The following USP25 variants were observed in gnomAD, a reference collection of about 807,000 sequenced individuals.
USP25 encodes ubiquitin carboxyl-terminal hydrolase 25.
Under a neutral mutation model 158.5 loss-of-function variants are expected in USP25, and 85 were observed. The ratio of observed to expected loss-of-function variants is 0.54; its 90% CI spans 0.45 to 0.64. USP25 has a LOEUF of 0.64. USP25 is among the 30% of genes least tolerant of loss of function. The pLI is 0.00. For missense variants in USP25, 1,242 were observed against 1,327.3 expected, an observed-to-expected ratio of 0.94 and a Z score of 1.00; for synonymous variants, 464 against 460.4, an observed-to-expected ratio of 1.01 and a Z score of -0.10.
chr21:15,820,381 A>G (rs891003786), intron 10 of USP25, among the ~76,000 whole-genome samples: 39 of 152,070 alleles, frequency 2.6e-4, no homozygotes, highest in African/African-American at 9.1e-4. Context: ...TTTGTCCTCC[A>G]TCTTTTTATT....
chr21:15,811,919 G>T (rs1214473419), intron 9 of USP25, among the ~76,000 whole-genome samples: 1 of 152,078 alleles, frequency 6.6e-6, no homozygotes. Context: ...CAGCTAAAGT[G>T]TAAAATTTGA....
At chr21:15,862,223 G>A (rs1012042975) in intron 20 of USP25, among the ~76,000 whole-genome samples, 8 of 152,172 alleles carry the variant, frequency 5.3e-5, no homozygotes, top group Admixed American at 5.2e-4. Flanking sequence ...TACAGGTTGA[G>A]TATCCCAAAT....
In USP25 at chr21:15,826,792, TCATCTTATAATAA is replaced by T. The variant is rs1253981973; in HGVS notation, c.1467-184_1467-172del. On this transcript the variant is annotated intron_variant, in intron 13 of 25. Transcript: ENST00000400183. This position sits in a 1 kb window ranked among gnomAD's most constrained non-coding sequence, Gnocchi z 4.8. ...CTGTTTTAACTCTAAAGCTACAACTTCATCTTATAATAATTTAGTTCTTATGTATTAAAAATCT... is the reference window on the plus strand; with the variant it reads ...CTGTTTTAACTCTAAAGCTACAACTTTTTAGTTCTTATGTATTAAAAATCT... Among the ~76,000 whole-genome samples, 4 of 152,214 alleles carry T rather than the reference TCATCTTATAATAA, an allele frequency of 2.6e-5. No individual in the cohort carries two copies. Among genetic ancestry groups the T allele is most frequent in the African/African-American group, 9.6e-5 (4 of 41,452 alleles).
chr21:15,761,881 G>A lies in USP25; in HGVS notation c.46-1010G>A, dbSNP rs566308881. On this transcript the variant is annotated intron_variant, in intron 1 of 25. Transcript: ENST00000400183. ...TCCTGCTCTAAAAACTTGCCTTGAT[G>A]TCTCTCTCTGCCCTATGCGCCTTGG... 7.9e-5 allele frequency among the ~76,000 whole-genome samples: 12 copies of A among 152,206 alleles called. No homozygotes were observed. The Middle Eastern group carries it at 0.01, about 129-fold the overall frequency.
chr21:15,825,097 C>A, intron 12 of USP25, 36 bp downstream of exon 12: 1 of 1,470,604 alleles, frequency 6.8e-7, no homozygotes, highest in South Asian at 1.2e-5. Flanking sequence ...AGATAATTAT[C>A]AGAAACCATG....
At chr21:15,853,839 T>G (rs1568893142) in intron 20 of USP25, among the ~76,000 whole-genome samples, 1 of 152,212 alleles carries the variant, frequency 6.6e-6, no homozygotes. Flanking sequence ...TGATCTGTTC[T>G]GTTAGTTAGA....
chr21:15,756,474 G>T (rs1331996061), intron 1 of USP25, among the ~76,000 whole-genome samples: 1 of 152,016 alleles, frequency 6.6e-6, no homozygotes, highest in African/African-American at 2.4e-5. Context: ...GCCTTGTCTT[G>T]GGCCAGTGAT....
At position 15,826,507 on chromosome 21, in the gene USP25, T is replaced by A; in HGVS notation, c.1466+142T>A. 7.5e-6 allele frequency: 7 copies of A among 927,930 alleles called. No individual in the cohort carries two copies. The highest frequency in any genetic ancestry group is 1.1e-5 in the Non-Finnish European group (7 of 630,640). The allele number at this position is 927,930 out of a possible 1,614,324, so 57.5% of individuals were successfully genotyped here. A position where few individuals can be genotyped will look rare whatever the true frequency, so the allele number is the denominator to read the frequency against. On this transcript the variant is annotated intron_variant, in intron 13 of 25. Transcript: ENST00000400183. The surrounding 1 kb of genome is among the most constrained non-coding windows in gnomAD (Gnocchi z 4.8). ...CTAAGAGTAGATTCACTTAGAAGAC[T>A]GTATGTCCTCTGGGAGTTTTTTTAT... is the stretch of plus-strand genomic sequence containing the variant.
chr21:15,801,915 G>T (rs2146258364), intron 6 of USP25, among the ~76,000 whole-genome samples: 1 of 151,582 alleles, frequency 6.6e-6, no homozygotes, highest in East Asian at 1.9e-4. Flanking sequence ...ATTGCTTGTA[G>T]AAATTGAAAC....
rs1219612132 is a variant in USP25, at chr21:15,808,862, C to T, written c.834C>T (p.Phe278=). 1.2e-6 allele frequency: 2 copies of T among 1,610,520 alleles called. No individual in the cohort carries two copies. The highest frequency in any genetic ancestry group is 1.7e-6 in the Non-Finnish European group (2 of 1,178,986). ...TATTAGATTGGTTAGAAGATGCCTT[C>T]CAAATGAAAGCTGAAGAGGAGACGT... ...HKLLDWLEDA[F]QMKAEEETDE... Residue 278 remains phenylalanine, a synonymous_variant, in exon 8 of 26, where the codon TTC becomes TTT. Transcript: ENST00000400183.
At position 15,766,251 on chromosome 21, in the gene USP25, C is replaced by CT; in HGVS notation, c.268+111dup. The CT allele has an allele frequency of 1.0e-6, 1 of 974,118 alleles. No individual in the cohort carries two copies. Among genetic ancestry groups the CT allele is most frequent in the Non-Finnish European group, 1.4e-6 (1 of 715,726 alleles). The allele number at this position is 974,118 out of a possible 1,614,324, so 60.3% of individuals were successfully genotyped here. The stretch of plus-strand genomic sequence containing the variant: ...AGAGGTAAAGAACCAAAAAAGAACT[C>CT]TATTAACCTTGGTTCTTTTTAATGT... On this transcript the variant is annotated intron_variant, in intron 3 of 25. Transcript: ENST00000400183. This position sits in a 1 kb window ranked among gnomAD's most constrained non-coding sequence, Gnocchi z 4.0.
intron 12 of USP25, among the ~76,000 whole-genome samples, 194 bp downstream of exon 12, chr21:15,825,255 A>G (rs1259605846): frequency 1.3e-5 from 2 of 152,258 alleles, no homozygotes; most frequent in East Asian, 3.8e-4. Context: ...GTTTAAAATT[A>G]AATATCTCAT....
At chr21:15,806,723 C>A (rs1403774009) in intron 7 of USP25, among the ~76,000 whole-genome samples, 1 of 152,086 alleles carries the variant, frequency 6.6e-6, no homozygotes, top group Non-Finnish European at 1.5e-5. Context: ...CTCTTCTGTT[C>A]CCTAAACACT....
chr21:15,751,924 T>C (rs2033043493), intron 1 of USP25, among the ~76,000 whole-genome samples: 1 of 152,202 alleles, frequency 6.6e-6, no homozygotes, highest in African/African-American at 2.4e-5. Flanking sequence ...GAATACTCTT[T>C]TACATTGTAA....
At chr21:15,762,562 G>C (rs1761937439) in intron 1 of USP25, among the ~76,000 whole-genome samples, 1 of 152,074 alleles carries the variant, frequency 6.6e-6, no homozygotes, top group Admixed American at 6.5e-5. Flanking sequence ...TACCATCATG[G>C]ATAAGGCCCC....
intron 9 of USP25, among the ~76,000 whole-genome samples, chr21:15,815,380 A>G (rs926067230): frequency 2.4e-4 from 36 of 152,146 alleles, no homozygotes; most frequent in African/African-American, 8.2e-4. Flanking sequence ...CTGTGAGAAG[A>G]AGGCCACTGT....
chr21:15,745,218 A>G (rs970818511), intron 1 of USP25: 2 of 151,910 alleles, frequency 1.3e-5, no homozygotes, highest in Non-Finnish European at 1.5e-5. Flanking sequence ...GACCATTTTT[A>G]TGTCTTCTTT....
chr21:15,853,167 A>C (rs950890036), intron 20 of USP25, among the ~76,000 whole-genome samples: 1 of 152,136 alleles, frequency 6.6e-6, no homozygotes, highest in Non-Finnish European at 1.5e-5. Flanking sequence ...AATTTTTTTA[A>C]TGTAGATTTT....
intron 23 of USP25, among the ~76,000 whole-genome samples, chr21:15,874,066 C>CGA (rs2040004213): frequency 6.6e-6 from 1 of 152,178 alleles, no homozygotes; most frequent in Non-Finnish European, 1.5e-5. Context: ...TTGGCTTTCA[C>CGA]ATTAGCTCCA....
Sources: gnomAD v4.1 joint callset for allele counts (sites outside exome capture counted in the v4.1 genomes callset) on GRCh38, gnomAD v4.1.1 for gene constraint, Gnocchi (gnomAD v3.1) non-coding constraint, MANE v1.5 for transcripts, NCBI Gene and HGNC (gene_info 2026-07-23, HGNC 2026-07-21) for gene names.